Variants in PDE4D observed in about 807,000 individuals in gnomAD.
The protein encoded by PDE4D is 3',5'-cyclic-AMP phosphodiesterase 4D.
A neutral mutation model predicts 87.4 loss-of-function variants in PDE4D; 24 were observed. That is an observed-to-expected ratio of 0.27 (90% confidence interval 0.20 to 0.39). The LOEUF (loss-of-function observed/expected upper bound fraction) is 0.39. Ranked by LOEUF, PDE4D falls within the 10% of genes least tolerant of loss-of-function variation. The pLI is 1.00. For synonymous variants in PDE4D, 384 were observed against 383.2 expected, an observed-to-expected ratio of 1.00 and a Z score of -0.02; for missense variants, 714 against 1,041.0, an observed-to-expected ratio of 0.69 and a Z score of 4.32.
chr5:59,391,025 C>T (rs1191465409), intron 1 of PDE4D, among the ~76,000 whole-genome samples: 1 of 152,086 alleles, frequency 6.6e-6, no homozygotes, highest in Admixed American at 6.5e-5. Flanking sequence ...GGTTGCACTT[C>T]CCTAAATGTT....
chr5:59,127,558 G>T lies in PDE4D; in HGVS notation c.808+53037C>A, dbSNP rs1289002398. Among the ~76,000 whole-genome samples the T allele has an allele frequency of 2.6e-5, 4 of 151,710 alleles. No individual in the cohort carries two copies. The East Asian group carries it at 7.8e-4, about 30-fold the overall frequency. On this transcript the variant is annotated intron_variant, in intron 5 of 14. Coordinates refer to ENST00000340635, the MANE Select transcript of PDE4D (RefSeq NM_001104631.2). ...TACAGGAAACGCATAGAAGAAAGAA[G>T]AGTTCAGCTGGAGCCACGACTTCCC...
At chr5:60,010,636 G>A (rs1371670068) in intron 2 of PDE4D, among the ~76,000 whole-genome samples, 2 of 152,056 alleles carry the variant, frequency 1.3e-5, no homozygotes, top group South Asian at 4.1e-4. Context: ...TGGAACACTC[G>A]ATTCTTTGTG....
chr5:59,065,059 TATATATATACACACACACAC>T (rs1209817906), intron 5 of PDE4D, among the ~76,000 whole-genome samples: 7 of 9,930 alleles, frequency 7.0e-4, no homozygotes, highest in Admixed American at 4.6e-3. Flanking sequence ...GGAAATGTGA[TATATATATACACACACACAC>T]ACACACACAC....
chr5:60,163,627 C>T (rs2149467437), intron 2 of PDE4D, among the ~76,000 whole-genome samples: 1 of 152,276 alleles, frequency 6.6e-6, no homozygotes, highest in East Asian at 1.9e-4. Flanking sequence ...GCACAAGGCT[C>T]AGTTGTAGCA....
intron 1 of PDE4D, among the ~76,000 whole-genome samples, chr5:60,382,223 T>C (rs1402764624): frequency 6.6e-6 from 1 of 152,114 alleles, no homozygotes; most frequent in Non-Finnish European, 1.5e-5. Context: ...TATTTCCAAA[T>C]AAACTGGGGC....
At chr5:59,511,771 T>C (rs745681298) in intron 1 of PDE4D, among the ~76,000 whole-genome samples, 3 of 152,102 alleles carry the variant, frequency 2.0e-5, no homozygotes, top group Non-Finnish European at 4.4e-5. Context: ...ATCTTTATAA[T>C]GAACAGTGTC....
intron 5 of PDE4D, among the ~76,000 whole-genome samples, chr5:59,042,498 C>T (rs1759854323): frequency 6.6e-6 from 1 of 152,184 alleles, no homozygotes; most frequent in South Asian, 2.1e-4. Flanking sequence ...AATACTTCCC[C>T]TCAACCCCTG....
At chr5:59,492,612 C>T (rs116440550) in intron 1 of PDE4D, among the ~76,000 whole-genome samples, 1,997 of 152,254 alleles carry the variant, frequency 0.013, 33 homozygotes, top group African/African-American at 0.046. Context: ...AACTGAATTT[C>T]TCATCACCTG....
intron 1 of PDE4D, among the ~76,000 whole-genome samples, chr5:59,233,999 A>T: frequency 6.6e-6 from 1 of 152,302 alleles, no homozygotes. Flanking sequence ...TTGACTTGCC[A>T]GGTCCACAGC....
At chr5:58,983,168 G>A (rs910530278) in intron 11 of PDE4D, among the ~76,000 whole-genome samples, 1 of 152,236 alleles carries the variant, frequency 6.6e-6, no homozygotes, top group African/African-American at 2.4e-5. Context: ...TCCCAGAGAG[G>A]GGCAGTAGTG....
At chr5:60,258,788 T>C (rs949291203) in intron 1 of PDE4D, among the ~76,000 whole-genome samples, 2 of 151,994 alleles carry the variant, frequency 1.3e-5, no homozygotes, top group African/African-American at 2.4e-5. Flanking sequence ...TTAAAAATTT[T>C]ATTGTAAAAA....
intron 1 of PDE4D, among the ~76,000 whole-genome samples, chr5:60,242,257 G>A (rs1355371119): frequency 6.6e-6 from 1 of 152,048 alleles, no homozygotes; most frequent in Non-Finnish European, 1.5e-5. Flanking sequence ...ATGATAAAAG[G>A]TTCAATTCAG....
intron 1 of PDE4D, among the ~76,000 whole-genome samples, chr5:60,399,869 T>TC (rs1740890357): frequency 6.6e-6 from 1 of 152,248 alleles, no homozygotes; most frequent in African/African-American, 2.4e-5. Context: ...TTACAGTGAG[T>TC]CCACCAGATA....
chr5:60,066,818 A>C (rs895551929), intron 2 of PDE4D, among the ~76,000 whole-genome samples: 1 of 152,124 alleles, frequency 6.6e-6, no homozygotes, highest in African/African-American at 2.4e-5. Flanking sequence ...ACATAGTGAA[A>C]AGGAAAACTG....
At chr5:59,686,316 T>C (rs1323605882) in intron 1 of PDE4D, among the ~76,000 whole-genome samples, 2 of 152,126 alleles carry the variant, frequency 1.3e-5, no homozygotes, top group African/African-American at 4.8e-5. Flanking sequence ...ATGAGGTAAG[T>C]ACTATTATTA....
At chr5:60,234,603 C>A (rs1301088249) in intron 1 of PDE4D, among the ~76,000 whole-genome samples, 1 of 151,794 alleles carries the variant, frequency 6.6e-6, no homozygotes, top group Non-Finnish European at 1.5e-5. Flanking sequence ...CTGGAAGGAA[C>A]TTGTGAAGGA....
At chr5:59,644,620 G>T (rs1470410840) in intron 1 of PDE4D, among the ~76,000 whole-genome samples, 1 of 152,152 alleles carries the variant, frequency 6.6e-6, no homozygotes, top group Non-Finnish European at 1.5e-5. Context: ...TAGTTCATAG[G>T]TTCTCATCAC....
chr5:60,124,743 A>G (rs1778982274), intron 2 of PDE4D, among the ~76,000 whole-genome samples: 1 of 152,132 alleles, frequency 6.6e-6, no homozygotes, highest in African/African-American at 2.4e-5. Context: ...AGTTTTCCAA[A>G]CTCATGATAT....
chr5:60,179,451 T>A (rs530807469), intron 2 of PDE4D, among the ~76,000 whole-genome samples: 67 of 152,312 alleles, frequency 4.4e-4, no homozygotes, highest in African/African-American at 1.5e-3. Context: ...ATAGCATTTT[T>A]AAAATGATTT....
Sources: gnomAD v4.1 joint callset for allele counts (sites outside exome capture counted in the v4.1 genomes callset) on GRCh38, gnomAD v4.1.1 for gene constraint, MANE v1.5 for transcripts, NCBI Gene and HGNC (gene_info 2026-07-23, HGNC 2026-07-21) for gene names.